The following UBR2 variants were observed in gnomAD, a reference collection of about 807,000 sequenced individuals.
The protein encoded by UBR2 is ubiquitin protein ligase E3 component n-recognin 2, also known as E3 ubiquitin-protein ligase UBR2.
UBR2 carries 92 observed loss-of-function variants against 247.9 expected under a neutral mutation model. That is an observed-to-expected ratio of 0.37 (90% CI 0.31 to 0.44). The LOEUF (loss-of-function observed/expected upper bound fraction) is 0.44. Among genes scored for constraint, UBR2 ranks in the 20% least tolerant of loss-of-function variants. UBR2 has a pLI of 1.00. For synonymous variants in UBR2, 672 were observed against 693.5 expected (o/e 0.97, Z 0.49); for missense variants, 1,613 against 2,112.6 (o/e 0.76, Z 4.64).
chr6:42,660,994 TTTA>T (rs754759552), intron 30 of UBR2, among the ~76,000 whole-genome samples: 187 of 121,470 alleles, frequency 1.5e-3, no homozygotes, highest in Non-Finnish European at 2.5e-3. Flanking sequence ...TTTGTTTGTT[TTTA>T]AAAAAAAAAA....
At chr6:42,617,957 T>A (rs1794666069) in intron 11 of UBR2, among the ~76,000 whole-genome samples, 1 of 152,250 alleles carries the variant, frequency 6.6e-6, no homozygotes, top group Admixed American at 6.5e-5. Flanking sequence ...GGTCTTTTAC[T>A]GAGCTTCACG....
In UBR2 at chr6:42,659,841, T is replaced by G; in HGVS notation, c.3428T>G (p.Phe1143Cys). The change falls in exon 30 of 47, where the codon TTT (phenylalanine) becomes TGT (cysteine). Residue 1143 changes from phenylalanine to cysteine, a missense_variant. Phe to Cys is a radical substitution (Grantham distance 205, BLOSUM62 -2). This residue lies in a region of UBR2 where 1,524 missense variants were observed against 1,967.3 expected (regional missense o/e 0.77). Transcript: ENST00000372901. The surrounding 1 kb of genome is among the most constrained non-coding windows in gnomAD (Gnocchi z 4.3). ...GTATTATCAAAAAACAGAAGTAAAT[T>G]TATTCAAGATCCAGGTAAGTCATAG... ...STVLSKNRSK[F>C]IQDPEKYDPL... The G allele has an allele frequency of 6.2e-7, 1 of 1,614,038 alleles. No individual in the cohort carries two copies. Among genetic ancestry groups the G allele is most frequent in the Non-Finnish European group, 8.5e-7 (1 of 1,179,984 alleles).
At chr6:42,566,621 C>T (rs1235299829) in intron 1 of UBR2, among the ~76,000 whole-genome samples, 1 of 152,212 alleles carries the variant, frequency 6.6e-6, no homozygotes, top group African/African-American at 2.4e-5. Context: ...CTCCTGACCT[C>T]AGGTTATCCG....
At chr6:42,655,402 T>C (rs895032914) in intron 25 of UBR2, among the ~76,000 whole-genome samples, 1 of 147,458 alleles carries the variant, frequency 6.8e-6, no homozygotes, top group East Asian at 2.0e-4. Flanking sequence ...CACTTGAACC[T>C]GGGAGGCAGA....
intron 7 of UBR2, 88 bp downstream of exon 7, chr6:42,606,739 T>C: frequency 8.4e-7 from 1 of 1,184,588 alleles, no homozygotes; most frequent in Non-Finnish European, 1.2e-6. Context: ...GTCTTTCTGC[T>C]TTCTCAAATG....
At chr6:42,640,183 T>G in intron 15 of UBR2, 26 bp from the exon 16 acceptor site, 1 of 1,581,130 alleles carries the variant, frequency 6.3e-7, no homozygotes, top group Non-Finnish European at 8.6e-7. Flanking sequence ...ATAGAAATAC[T>G]GTTTTTTGTT....
chr6:42,593,027 A>G (rs1172023501), intron 3 of UBR2, among the ~76,000 whole-genome samples: 5 of 152,162 alleles, frequency 3.3e-5, no homozygotes, highest in Non-Finnish European at 7.3e-5. Context: ...TGCAAAAATT[A>G]GCCAGACATG....
intron 1 of UBR2, 144 bp downstream of exon 1, chr6:42,564,541 C>A: frequency 1.1e-6 from 1 of 879,236 alleles, no homozygotes; most frequent in South Asian, 1.8e-5. Flanking sequence ...GGTAATAGCC[C>A]GGGGAGGCCA....
chr6:42,581,789 A>G (rs1469323783), intron 2 of UBR2, among the ~76,000 whole-genome samples: 2 of 152,126 alleles, frequency 1.3e-5, no homozygotes, highest in African/African-American at 2.4e-5. Flanking sequence ...GTTGCCTACA[A>G]TCTGTTGTTC....
In UBR2 at chr6:42,671,185, CAA is replaced by C. The variant is rs67809948; in HGVS notation, c.4086+490_4086+491del. Among the ~76,000 whole-genome samples the C allele has an allele frequency of 9.1e-3, 918 of 100,886 alleles. 7 individuals are homozygous for C. The highest frequency in any genetic ancestry group is 0.029 in the African/African-American group (765 of 26,110). The allele number at this position is 100,886 out of a possible 152,430, so 66.2% of individuals were successfully genotyped here. A position where few individuals can be genotyped will look rare whatever the true frequency, so the allele number is the denominator to read the frequency against. Reference sequence around the variant, plus strand: ...GGGCAACAAGAGTGAAACTCCATCTCAAAAAAAAAAAAAAAAAAAAATTGCAG... The same window carrying C: ...GGGCAACAAGAGTGAAACTCCATCTCAAAAAAAAAAAAAAAAAAATTGCAG... On this transcript the variant is annotated intron_variant, in intron 36 of 46. Transcript: ENST00000372901.
intron 30 of UBR2, among the ~76,000 whole-genome samples, chr6:42,660,996 TAAA>T (rs11449013): frequency 0.064 from 8,959 of 139,314 alleles, 388 homozygotes; most frequent in Admixed American, 0.13. Flanking sequence ...TGTTTGTTTT[TAAA>T]AAAAAAAAAA....
chr6:42,625,529 A>T (rs991895773), intron 11 of UBR2, among the ~76,000 whole-genome samples: 10 of 152,234 alleles, frequency 6.6e-5, no homozygotes, highest in Admixed American at 1.3e-4. Flanking sequence ...AGCTCACTGC[A>T]ATCTCTACCT....
At position 42,676,161 on chromosome 6, in the gene UBR2, A is replaced by C. The variant is rs1367280307; in HGVS notation, c.4357A>C (p.Ile1453Leu). Residue 1453 changes from isoleucine (I) to leucine (L), a missense_variant, in exon 39 of 47, where the codon ATC becomes CTC. This residue lies in a region of UBR2 where 1,524 missense variants were observed against 1,967.3 expected (regional missense o/e 0.77). Coordinates refer to ENST00000372901, the MANE Select transcript of UBR2 (RefSeq NM_001363705.2). ...TTTCCATCTGGTTACTATGGCACACATCATACAGATCTTACTTACCTCATG... is the reference window on the plus strand; with the variant it reads ...TTTCCATCTGGTTACTATGGCACACCTCATACAGATCTTACTTACCTCATG... ...HIFHLVTMAH[I>L]IQILLTSCTE... is the part of the protein sequence containing the mutation. The C allele has an allele frequency of 6.2e-7, 1 of 1,612,492 alleles. No homozygotes were observed. The highest frequency in any genetic ancestry group is 2.2e-5 in the East Asian group (1 of 44,790).
intron 7 of UBR2, among the ~76,000 whole-genome samples, chr6:42,611,354 G>A (rs1359561658): frequency 6.6e-6 from 1 of 150,966 alleles, no homozygotes; most frequent in Non-Finnish European, 1.5e-5. Flanking sequence ...CCAGCTACTC[G>A]GGAAGCTGAG....
chr6:42,638,751 TAAAA>T (rs970122755), intron 15 of UBR2, among the ~76,000 whole-genome samples: 1 of 139,856 alleles, frequency 7.2e-6, no homozygotes, highest in South Asian at 2.2e-4. Context: ...CACGTGCCCT[TAAAA>T]AAAAAAAAGG....
At chr6:42,602,656 T>C (rs1454965361) in intron 4 of UBR2, among the ~76,000 whole-genome samples, 1 of 148,916 alleles carries the variant, frequency 6.7e-6, no homozygotes, top group Non-Finnish European at 1.5e-5. Flanking sequence ...TATATACAAA[T>C]ATATTTTATA....
intron 15 of UBR2, among the ~76,000 whole-genome samples, chr6:42,639,194 T>C (rs1582615040): frequency 6.6e-6 from 1 of 152,200 alleles, no homozygotes; most frequent in Non-Finnish European, 1.5e-5. Context: ...CAAGTTTTCC[T>C]AGATGAAGAA....
At chr6:42,596,735 T>TCA (rs1793001204) in intron 4 of UBR2, among the ~76,000 whole-genome samples, 1 of 152,158 alleles carries the variant, frequency 6.6e-6, no homozygotes, top group South Asian at 2.1e-4. Flanking sequence ...ACTCAAAAGG[T>TCA]CACATATTGT....
intron 7 of UBR2, among the ~76,000 whole-genome samples, chr6:42,611,843 G>A (rs1582527437): frequency 6.6e-6 from 1 of 151,112 alleles, no homozygotes; most frequent in Non-Finnish European, 1.5e-5. Context: ...AGAGGTGGAG[G>A]TTGCGGTGAG....
Sources: allele counts gnomAD v4.1 joint callset (sites outside exome capture counted in the v4.1 genomes callset), GRCh38; gene constraint gnomAD v4.1.1; regional missense constraint gnomAD v4.1.1; non-coding constraint Gnocchi (gnomAD v3.1); transcripts MANE v1.5; gene names NCBI Gene and HGNC (gene_info 2026-07-23, HGNC 2026-07-21).